The following GTPBP1 variants were observed in gnomAD, a reference collection of about 807,000 sequenced individuals.
GTPBP1 encodes GTP binding protein 1, also known as GTP-binding protein 1.
GTPBP1 carries 23 observed loss-of-function variants against 62.0 expected under a neutral mutation model. That is an observed-to-expected ratio of 0.37 (90% confidence interval 0.27 to 0.53). The LOEUF (loss-of-function observed/expected upper bound fraction) is 0.53. Ranked by LOEUF, GTPBP1 falls within the 20% of genes least tolerant of loss-of-function variation. The pLI, the probability that GTPBP1 is intolerant of heterozygous loss-of-function variation, is 0.89. For synonymous variants in GTPBP1, 344 were observed against 364.4 expected, an observed-to-expected ratio of 0.94 and a Z score of 0.64; for missense variants, 640 against 917.3, an observed-to-expected ratio of 0.70 and a Z score of 3.90.
chr22:38,728,256 C>T, intron 10 of GTPBP1, 95 bp downstream of exon 10: 1 of 863,816 alleles, frequency 1.2e-6, no homozygotes, highest in South Asian at 1.5e-5. Context: ...TAGTCACTGC[C>T]ATGGGAGAGC....
chr22:38,710,767 C>G (rs1359233888), intron 2 of GTPBP1, among the ~76,000 whole-genome samples: 1 of 152,146 alleles, frequency 6.6e-6, no homozygotes, highest in Non-Finnish European at 1.5e-5. Context: ...ACATATAGGT[C>G]AATTTTGACA....
intron 2 of GTPBP1, among the ~76,000 whole-genome samples, chr22:38,711,461 C>T (rs1045181078): frequency 2.0e-5 from 3 of 152,050 alleles, no homozygotes; most frequent in Admixed American, 6.6e-5. Context: ...AGGAAATCAT[C>T]GTGAATAGTG....
chr22:38,740,938 C>T, downstream of GTPBP1: 1 of 1,489,668 alleles, frequency 6.7e-7, no homozygotes, highest in African/African-American at 1.4e-5. The surrounding 1 kb of genome is among the most constrained non-coding windows in gnomAD (Gnocchi z 4.8). Context: ...GCTCTGCTCC[C>T]CAGTCCTGCC....
At chr22:38,743,005 C>G (rs1220609411), downstream of GTPBP1, 1 of 159,506 alleles carries the variant, frequency 6.3e-6, no homozygotes, top group African/African-American at 2.4e-5. Flanking sequence ...GGCTTTCACT[C>G]CTTCCCTAGG....
rs545722259 is a variant in GTPBP1 at position 38,707,340 on chromosome 22, T to C, written c.192+1193T>C. Among the ~76,000 whole-genome samples the C allele has an allele frequency of 2.0e-5, 3 of 152,354 alleles. No individual in the cohort carries two copies. In the South Asian group the frequency reaches 6.2e-4, roughly 32 times the overall value. ...TATGGCGGCAAATTTGCATGAAACT[T>C]GGTCCTAAACTGGGGAGGAACTTTC... is the stretch of plus-strand genomic sequence containing the variant. On this transcript the variant is annotated intron_variant, in intron 1 of 11. Transcript: ENST00000216044.
chr22:38,736,006 G>T (rs939117599), downstream of GTPBP1: 4 of 430,164 alleles, frequency 9.3e-6, no homozygotes, highest in African/African-American at 8.3e-5. Context: ...CCCATGATAT[G>T]CTACATATAT....
Position 38,726,480 on chromosome 22 carries a change from T to C in GTPBP1, c.1401+40T>C. 1 of 1,560,942 alleles carries C rather than the reference T, an allele frequency of 6.4e-7. No individual in the cohort carries two copies. The highest frequency in any genetic ancestry group is 1.3e-5 in the African/African-American group (1 of 74,074). On this transcript the variant is annotated intron_variant, in intron 8 of 11. Transcript: ENST00000216044. The surrounding 1 kb of genome is among the most constrained non-coding windows in gnomAD (Gnocchi z 4.1). ...TACTGAACGCTCCCCTCAGACTCCATCATGCTAGGCTCTTGGCCAGATGCC... is the reference window on the plus strand; with the variant it reads ...TACTGAACGCTCCCCTCAGACTCCACCATGCTAGGCTCTTGGCCAGATGCC...
intron 2 of GTPBP1, among the ~76,000 whole-genome samples, chr22:38,709,399 G>C (rs1437118996): frequency 6.6e-6 from 1 of 152,136 alleles, no homozygotes; most frequent in African/African-American, 2.4e-5. Context: ...ACTGTTTGGA[G>C]TACATAAAAG....
At chr22:38,739,749 T>G (rs746204655), downstream of GTPBP1, 3 of 1,613,700 alleles carry the variant, frequency 1.9e-6, no homozygotes, top group Non-Finnish European at 8.5e-7. This position sits in a 1 kb window ranked among gnomAD's most constrained non-coding sequence, Gnocchi z 6.7. Context: ...TCACACCTTC[T>G]TTCTGCAGCG....
intron 5 of GTPBP1, 39 bp from the exon 6 acceptor site, chr22:38,724,258 G>C: frequency 8.3e-7 from 1 of 1,203,150 alleles, no homozygotes; most frequent in Non-Finnish European, 1.2e-6. Flanking sequence ...CAAAGAGAAG[G>C]CTGTGTCCCC....
intron 4 of GTPBP1, among the ~76,000 whole-genome samples, chr22:38,718,202 A>G (rs1051365230): frequency 2.0e-5 from 3 of 152,192 alleles, no homozygotes; most frequent in Admixed American, 6.5e-5. Context: ...GCTTGCCAGG[A>G]AGGGATCTTA....
At chr22:38,723,041 A>G in intron 5 of GTPBP1, 1 of 792,834 alleles carries the variant, frequency 1.3e-6, no homozygotes, top group Non-Finnish European at 2.3e-6. Context: ...TGGGATGTTC[A>G]TGTGGTCCAA....
At chr22:38,742,600 G>A (rs1569298873), downstream of GTPBP1, 4 of 1,568,878 alleles carry the variant, frequency 2.5e-6, no homozygotes, top group Non-Finnish European at 3.5e-6. Flanking sequence ...ACCCTTGGAT[G>A]ATAGTGCTTC....
chr22:38,738,168 C>G, downstream of GTPBP1: 1 of 1,613,784 alleles, frequency 6.2e-7, no homozygotes, highest in South Asian at 1.1e-5. The surrounding 1 kb of genome is among the most constrained non-coding windows in gnomAD (Gnocchi z 6.6). Context: ...AGCAGCATCC[C>G]GTACCTGAAA....
intron 6 of GTPBP1, chr22:38,725,662 T>G: frequency 8.1e-6 from 2 of 246,306 alleles, no homozygotes; most frequent in Non-Finnish European, 1.6e-5. Context: ...GTATCTTCTC[T>G]GTGGTGGAAA....
At position 38,729,449 on chromosome 22, in the gene GTPBP1, A is replaced by G. The variant is rs770983123; in HGVS notation, c.1717-13A>G. On this transcript the variant is annotated splice_polypyrimidine_tract_variant and intron_variant, in intron 10 of 11. Transcript: ENST00000216044. ...GCAGCTCCAGCCTCAGCCTCTCTCC[A>G]TGGCTCCCACAGCTCCTCCAGACCA... 15 of 1,587,102 alleles carry G rather than the reference A, an allele frequency of 9.5e-6. No homozygotes were observed. The highest frequency in any genetic ancestry group is 7.7e-6 in the Non-Finnish European group (9 of 1,166,764).
At chr22:38,728,922 C>T (rs2092741050) in intron 10 of GTPBP1, 1 of 152,706 alleles carries the variant, frequency 6.5e-6, no homozygotes, top group African/African-American at 2.4e-5. Context: ...GGCCAAACTC[C>T]AGATGTTTCC....
downstream of GTPBP1, chr22:38,741,564 A>G (rs1360804433): frequency 1.2e-6 from 2 of 1,614,038 alleles, no homozygotes; most frequent in Non-Finnish European, 1.7e-6. Context: ...CAGGGCAGAC[A>G]GTTCTTCCTG....
In GTPBP1 at chr22:38,724,325, G is replaced by A. The variant is rs1403733475; in HGVS notation, c.987G>A (p.Leu329=). ...QETLKLLQRL[L]KSPGCRKIPV... is the part of the protein sequence containing the mutation. ...CCCTGAAGCTGTTACAGCGCCTGCT[G>A]AAGTCACCAGGCTGCCGGAAGATCC... is the stretch of plus-strand genomic sequence containing the variant. The change falls in exon 6 of 12, where the codon CTG becomes CTA. Residue 329 remains leucine, a synonymous_variant. Transcript: ENST00000216044. 6.2e-7 allele frequency: 1 copy of A among 1,613,000 alleles called. No individual in the cohort carries two copies. The highest frequency in any genetic ancestry group is 8.5e-7 in the Non-Finnish European group (1 of 1,179,010).
Sources: gnomAD v4.1 joint callset for allele counts (sites outside exome capture counted in the v4.1 genomes callset) on GRCh38, gnomAD v4.1.1 for gene constraint, Gnocchi (gnomAD v3.1) non-coding constraint, MANE v1.5 for transcripts, NCBI Gene and HGNC (gene_info 2026-07-23, HGNC 2026-07-21) for gene names.